CDK19: variants seen among roughly 807,000 people sequenced by gnomAD.
The protein encoded by CDK19 is cyclin-dependent kinase 19.
A neutral mutation model predicts 68.3 loss-of-function variants in CDK19; 20 were observed. The observed-to-expected ratio is 0.29, with a 90% CI of 0.21 to 0.43. The LOEUF (loss-of-function observed/expected upper bound fraction) is 0.43, where lower values mean the gene tolerates loss of function less well. Among genes scored for constraint, CDK19 ranks in the 20% least tolerant of loss-of-function variants. CDK19 has a pLI of 1.00. For missense variants in CDK19, 339 were observed against 623.5 expected, an observed-to-expected ratio of 0.54 and a Z score of 4.86; for synonymous variants, 221 against 222.8, an observed-to-expected ratio of 0.99 and a Z score of 0.07.
At chr6:110,676,116 A>C (rs947110029) in intron 2 of CDK19, among the ~76,000 whole-genome samples, 1 of 152,236 alleles carries the variant, frequency 6.6e-6, no homozygotes, top group Admixed American at 6.5e-5. Context: ...GGAATGTGGA[A>C]AAAGTTGATT....
At chr6:110,699,251 CCT>C (rs908039308) in intron 2 of CDK19, among the ~76,000 whole-genome samples, 3 of 151,744 alleles carry the variant, frequency 2.0e-5, no homozygotes, top group East Asian at 3.9e-4. Context: ...ATGGTGAAAC[CCT>C]GTCTCTACTA....
intron 1 of CDK19, among the ~76,000 whole-genome samples, chr6:110,803,951 G>A (rs1023434317): frequency 2.0e-5 from 3 of 152,120 alleles, no homozygotes; most frequent in East Asian, 1.9e-4. Context: ...GGTGACAAGA[G>A]CAAGACCCTG....
intron 4 of CDK19, among the ~76,000 whole-genome samples, chr6:110,652,259 C>G (rs570083860): frequency 1.3e-5 from 2 of 152,130 alleles, no homozygotes; most frequent in Admixed American, 1.3e-4. Flanking sequence ...AAAAAGTAGC[C>G]ATCAGGTGCA....
At chr6:110,777,898 T>C (rs561414733) in intron 1 of CDK19, among the ~76,000 whole-genome samples, 2 of 152,276 alleles carry the variant, frequency 1.3e-5, no homozygotes, top group South Asian at 4.1e-4. Context: ...ACAAACACTA[T>C]AGATCCCATG....
chr6:110,646,553 T>G, intron 4 of CDK19: 2 of 1,126,286 alleles, frequency 1.8e-6, no homozygotes, highest in Non-Finnish European at 2.4e-6. Flanking sequence ...GCTTAAGTCG[T>G]GCTGAGTACG....
At chr6:110,673,344 G>C (rs557168680) in intron 2 of CDK19, among the ~76,000 whole-genome samples, 7 of 151,962 alleles carry the variant, frequency 4.6e-5, no homozygotes, top group Non-Finnish European at 8.8e-5. Flanking sequence ...TTGTCCATTT[G>C]CCCCTCAACA....
intron 2 of CDK19, among the ~76,000 whole-genome samples, chr6:110,717,690 G>A (rs891400418): frequency 3.3e-5 from 5 of 152,098 alleles, no homozygotes; most frequent in Non-Finnish European, 5.9e-5. Flanking sequence ...TGAGATTAGT[G>A]CCTTTGTTTT....
chr6:110,627,039 T>C lies in CDK19; in HGVS notation c.753A>G (p.Gln251=), dbSNP rs1234687706. The change falls in exon 7 of 13, where the codon CAA becomes CAG. Residue 251 remains glutamine, a synonymous_variant. Coordinates refer to ENST00000368911, the MANE Select transcript of CDK19 (RefSeq NM_015076.5). ...IKTSNPFHHD[Q]LDRIFSVMGF... is the part of the protein sequence containing the mutation. Reference sequence around the variant, plus strand: ...CCATGACACTAAATATCCGATCCAGTTGATCATGATGAAAGGGATTGCTTG... The same window carrying C: ...CCATGACACTAAATATCCGATCCAGCTGATCATGATGAAAGGGATTGCTTG... 3.1e-6 allele frequency: 5 copies of C among 1,612,876 alleles called. No homozygotes were observed. Among genetic ancestry groups the C allele is most frequent in the African/African-American group, 2.7e-5 (2 of 74,892 alleles).
At chr6:110,684,360 G>C (rs777070951) in intron 2 of CDK19, among the ~76,000 whole-genome samples, 34 of 138,686 alleles carry the variant, frequency 2.5e-4, no homozygotes, top group Non-Finnish European at 5.0e-4. Flanking sequence ...AGTCCCTTGG[G>C]ATTTCGATAA....
At chr6:110,698,948 G>C (rs1191815322) in intron 2 of CDK19, among the ~76,000 whole-genome samples, 1 of 151,868 alleles carries the variant, frequency 6.6e-6, no homozygotes, top group Non-Finnish European at 1.5e-5. Flanking sequence ...CTGTATGTTA[G>C]GGGGTTGAGG....
intron 2 of CDK19, among the ~76,000 whole-genome samples, chr6:110,692,053 C>T (rs1361567403): frequency 1.3e-5 from 2 of 151,240 alleles, no homozygotes; most frequent in Non-Finnish European, 3.0e-5. Context: ...CCCAGCACTT[C>T]GGGAGGCCAA....
chr6:110,784,045 G>A (rs1781017253), intron 1 of CDK19, among the ~76,000 whole-genome samples: 1 of 151,258 alleles, frequency 6.6e-6, no homozygotes. Context: ...TGTAATATCA[G>A]CTACTCGGGA....
At chr6:110,727,554 GA>G (rs1562237594) in intron 2 of CDK19, among the ~76,000 whole-genome samples, 1 of 152,118 alleles carries the variant, frequency 6.6e-6, no homozygotes, top group East Asian at 1.9e-4. Context: ...TCATTACTGA[GA>G]TCATAATTGT....
At chr6:110,628,300 C>G (rs1562135239) in intron 6 of CDK19, among the ~76,000 whole-genome samples, 2 of 152,168 alleles carry the variant, frequency 1.3e-5, no homozygotes, top group African/African-American at 4.8e-5. Context: ...CTGCAATAAG[C>G]TAAACAAGGA....
chr6:110,686,957 G>C (rs1246241843), intron 2 of CDK19, among the ~76,000 whole-genome samples: 1 of 152,164 alleles, frequency 6.6e-6, no homozygotes, highest in African/African-American at 2.4e-5. Context: ...CCAGCACTTT[G>C]GGAGGCCAAG....
chr6:110,743,155 A>T (rs941415110), intron 2 of CDK19, among the ~76,000 whole-genome samples: 1 of 152,314 alleles, frequency 6.6e-6, no homozygotes, highest in Non-Finnish European at 1.5e-5. Context: ...ATAAAACAAT[A>T]ATTATAAAAT....
intron 1 of CDK19, among the ~76,000 whole-genome samples, chr6:110,755,828 G>C (rs576515634): frequency 1.3e-5 from 2 of 152,290 alleles, no homozygotes; most frequent in East Asian, 3.9e-4. Flanking sequence ...ATAGTATGCA[G>C]GGTAGATCAG....
intron 2 of CDK19, among the ~76,000 whole-genome samples, chr6:110,695,489 CAAAT>C (rs965578608): frequency 5.0e-4 from 76 of 151,790 alleles, no homozygotes; most frequent in African/African-American, 1.7e-3. Flanking sequence ...CAGAAGAAAA[CAAAT>C]AAAGATTAGA....
intron 4 of CDK19, among the ~76,000 whole-genome samples, chr6:110,652,448 C>G (rs557825475): frequency 6.3e-4 from 96 of 152,214 alleles, no homozygotes; most frequent in Non-Finnish European, 1.2e-3. Context: ...AATGGGATCT[C>G]TAGGGGACAT....
Sources: allele counts gnomAD v4.1 joint callset (sites outside exome capture counted in the v4.1 genomes callset), GRCh38; gene constraint gnomAD v4.1.1; transcripts MANE v1.5; gene names NCBI Gene and HGNC (gene_info 2026-07-23, HGNC 2026-07-21).